The following PDE1C variants were observed in gnomAD, a reference collection of about 807,000 sequenced individuals.
The protein encoded by PDE1C is phosphodiesterase 1C.
PDE1C carries 62 observed loss-of-function variants against 93.1 expected under a neutral mutation model. The ratio of observed to expected loss-of-function variants is 0.67; its 90% confidence interval spans 0.54 to 0.82. PDE1C has a LOEUF of 0.82. Ranked by LOEUF, PDE1C falls within the 40% of genes least tolerant of loss-of-function variation. The pLI is 0.00. For missense variants in PDE1C, 742 were observed against 884.6 expected (o/e 0.84, Z 2.04); for synonymous variants, 325 against 310.1 (o/e 1.05, Z -0.50).
chr7:31,620,364 A>T, the PDE1C span, among the ~76,000 whole-genome samples: 4 of 151,958 alleles, frequency 2.6e-5, no homozygotes, highest in Admixed American at 1.3e-4. Context: ...ACCCCCCAGT[A>T]GGGGCAGATT....
chr7:31,880,615 G>T, intron 3 of PDE1C, 132 bp downstream of exon 3: 1 of 610,660 alleles, frequency 1.6e-6, no homozygotes, highest in Non-Finnish European at 2.9e-6. Flanking sequence ...CTCTTTGTTT[G>T]TGGAAACTAA....
intron 15 of PDE1C, among the ~76,000 whole-genome samples, chr7:31,814,173 G>A (rs932991751): frequency 1.3e-5 from 2 of 151,998 alleles, no homozygotes; most frequent in African/African-American, 4.8e-5. Flanking sequence ...TTGCAATAGT[G>A]AATTGTGCTG....
At chr7:31,623,490 C>T in the PDE1C span, among the ~76,000 whole-genome samples, 3 of 151,748 alleles carry the variant, frequency 2.0e-5, no homozygotes, top group African/African-American at 4.8e-5. Context: ...ATAAACAGAA[C>T]CAAAGACAAA....
chr7:32,020,353 T>C (rs945111626), intron 2 of PDE1C, among the ~76,000 whole-genome samples: 1 of 151,982 alleles, frequency 6.6e-6, no homozygotes, highest in Non-Finnish European at 1.5e-5. Flanking sequence ...GGACCAAAAA[T>C]AGACATATAG....
At chr7:31,815,794 A>T in intron 15 of PDE1C, 130 bp downstream of exon 15, 1 of 712,734 alleles carries the variant, frequency 1.4e-6, no homozygotes, top group Non-Finnish European at 2.5e-6. Context: ...AGGTGGGATC[A>T]GAAGGAACTG....
the PDE1C span, among the ~76,000 whole-genome samples, chr7:31,628,888 A>G: frequency 6.6e-6 from 1 of 152,230 alleles, no homozygotes; most frequent in Non-Finnish European, 1.5e-5. Context: ...CCAATCAACC[A>G]GTGGACTCAA....
At chr7:32,194,139 C>T (rs1236747774) in intron 2 of PDE1C, among the ~76,000 whole-genome samples, 1 of 152,134 alleles carries the variant, frequency 6.6e-6, no homozygotes, top group Non-Finnish European at 1.5e-5. Context: ...TGGTCTCAAT[C>T]TCCTGACCTC....
At chr7:31,758,509 C>G (rs1232949214) in intron 17 of PDE1C, among the ~76,000 whole-genome samples, 1 of 152,034 alleles carries the variant, frequency 6.6e-6, no homozygotes, top group Non-Finnish European at 1.5e-5. Context: ...CTAATAAGAT[C>G]CTTCGAAACT....
chr7:32,111,708 T>C (rs1391826184), intron 3 of PDE1C, among the ~76,000 whole-genome samples: 1 of 152,114 alleles, frequency 6.6e-6, no homozygotes, highest in African/African-American at 2.4e-5. Flanking sequence ...CAAAAAAAGC[T>C]TGGAAATGCT....
chr7:32,347,601 G>A (rs1333488316), intron 1 of PDE1C, among the ~76,000 whole-genome samples: 1 of 152,146 alleles, frequency 6.6e-6, no homozygotes, highest in African/African-American at 2.4e-5. Flanking sequence ...AATAAAGCGA[G>A]GGCCCTCCCT....
the PDE1C span, chr7:31,707,560 C>T: frequency 5.4e-6 from 2 of 369,256 alleles, no homozygotes; most frequent in African/African-American, 4.2e-5. Flanking sequence ...ACAGGGAAAG[C>T]ACTGGGGTTC....
chr7:32,400,218 C>G (rs1784916975), intron 1 of PDE1C, among the ~76,000 whole-genome samples: 1 of 152,198 alleles, frequency 6.6e-6, no homozygotes, highest in Non-Finnish European at 1.5e-5. Context: ...TAGATTTATA[C>G]CACAGTGCCT....
intron 1 of PDE1C, among the ~76,000 whole-genome samples, chr7:32,344,931 T>C (rs550908008): frequency 1.3e-5 from 2 of 152,264 alleles, no homozygotes; most frequent in East Asian, 3.9e-4. Flanking sequence ...AGTCATCCCT[T>C]TATCACTTAT....
chr7:32,196,458 G>T (rs1049928146), intron 2 of PDE1C, among the ~76,000 whole-genome samples: 1 of 152,104 alleles, frequency 6.6e-6, no homozygotes, highest in Non-Finnish European at 1.5e-5. Flanking sequence ...GATAAAAAAA[G>T]AAAACTCAGG....
At chr7:32,326,966 T>C (rs1264447552) in intron 1 of PDE1C, among the ~76,000 whole-genome samples, 1 of 152,120 alleles carries the variant, frequency 6.6e-6, no homozygotes. Context: ...TGGAAACTAG[T>C]GCAAAAATCG....
At chr7:31,998,223 G>C (rs1243310226) in intron 2 of PDE1C, among the ~76,000 whole-genome samples, 1 of 151,960 alleles carries the variant, frequency 6.6e-6, no homozygotes, top group Non-Finnish European at 1.5e-5. Flanking sequence ...GTTTCACCAT[G>C]TTAGCCAGGA....
intron 1 of PDE1C, among the ~76,000 whole-genome samples, chr7:32,376,156 C>CA (rs201656470): frequency 0.022 from 3,203 of 147,136 alleles, 106 homozygotes; most frequent in African/African-American, 0.075. Context: ...GAGACTCTGT[C>CA]AAAAAAAGAA....
chr7:31,815,849 G>T (rs1415788518), intron 15 of PDE1C, 75 bp downstream of exon 15: 11 of 1,098,938 alleles, frequency 1.0e-5, no homozygotes, highest in South Asian at 1.3e-5. Flanking sequence ...CCATCAGTAG[G>T]GTTGTTCACC....
At chr7:31,630,230 TAG>T in the PDE1C span, among the ~76,000 whole-genome samples, 1 of 39,184 alleles carries the variant, frequency 2.6e-5, no homozygotes, top group Non-Finnish European at 5.3e-5. Flanking sequence ...TCAAAGAAAA[TAG>T]AGTCTACTTG....
Sources: gnomAD v4.1 joint callset for allele counts (sites outside exome capture counted in the v4.1 genomes callset) on GRCh38, gnomAD v4.1.1 for gene constraint, MANE v1.5 for transcripts, NCBI Gene and HGNC (gene_info 2026-07-23, HGNC 2026-07-21) for gene names.